Variants in DGKB observed in about 807,000 individuals in gnomAD.
DGKB encodes 90 kDa diacylglycerol kinase.
A neutral mutation model predicts 114.3 loss-of-function variants in DGKB; 67 were observed. The ratio of observed to expected loss-of-function variants is 0.59; its 90% CI spans 0.48 to 0.72. DGKB has a LOEUF of 0.72. Ranked by LOEUF, DGKB falls within the 30% of genes least tolerant of loss-of-function variation. The pLI is 0.00. For synonymous variants in DGKB, 398 were observed against 323.1 expected (o/e 1.23, Z -2.49); for missense variants, 907 against 975.2 (o/e 0.93, Z 0.93).
At chr7:14,483,598 G>C (rs10242531) in intron 20 of DGKB, among the ~76,000 whole-genome samples, 59 of 152,224 alleles carry the variant, frequency 3.9e-4, no homozygotes, top group African/African-American at 1.4e-3. Context: ...AAACATATCA[G>C]GTCCTAATCT....
chr7:14,522,447 T>C (rs577506449), intron 20 of DGKB, among the ~76,000 whole-genome samples: 2 of 152,292 alleles, frequency 1.3e-5, no homozygotes, highest in South Asian at 4.1e-4. Flanking sequence ...GAATGCACCA[T>C]ATAAATGTGC....
intron 23 of DGKB, among the ~76,000 whole-genome samples, chr7:14,241,100 C>A (rs938982977): frequency 7.9e-5 from 12 of 152,096 alleles, no homozygotes; most frequent in African/African-American, 2.7e-4. Context: ...CTAGATTAAG[C>A]CTTTCAGAGC....
chr7:14,569,258 TA>T (rs1289081632), intron 20 of DGKB, among the ~76,000 whole-genome samples: 1 of 152,086 alleles, frequency 6.6e-6, no homozygotes, highest in Non-Finnish European at 1.5e-5. Context: ...CTAATCCCCA[TA>T]TTATGCTCAG....
chr7:14,592,820 T>G (rs76646103), intron 17 of DGKB, among the ~76,000 whole-genome samples: 2,084 of 152,026 alleles, frequency 0.014, 48 homozygotes, highest in African/African-American at 0.046. Context: ...AACATTTTAA[T>G]TTAAAGTAAA....
intron 21 of DGKB, among the ~76,000 whole-genome samples, chr7:14,460,110 GA>G (rs1471049407): frequency 2.6e-5 from 4 of 152,126 alleles, no homozygotes; most frequent in Admixed American, 2.6e-4. Flanking sequence ...ACTAAATATG[GA>G]AAGGAAAAAC....
At chr7:14,763,417 T>C (rs1835999735) in intron 2 of DGKB, among the ~76,000 whole-genome samples, 3 of 152,062 alleles carry the variant, frequency 2.0e-5, no homozygotes, top group Admixed American at 1.3e-4. Context: ...ATTATCTCAT[T>C]TAAAATTCAC....
At chr7:14,454,570 C>T (rs11980816) in intron 21 of DGKB, among the ~76,000 whole-genome samples, 91,363 of 151,880 alleles carry the variant, frequency 0.6, 28,205 homozygotes, top group East Asian at 0.86. Flanking sequence ...TTATGTGACA[C>T]GATCTTTGCA....
chr7:14,708,718 G>T (rs1229982676), intron 6 of DGKB, among the ~76,000 whole-genome samples: 1 of 151,304 alleles, frequency 6.6e-6, no homozygotes, highest in African/African-American at 2.4e-5. Context: ...ATGGGGAAAG[G>T]ATTCCCTATT....
chr7:14,897,728 C>G (rs573909351), intron 1 of DGKB, among the ~76,000 whole-genome samples: 2 of 151,896 alleles, frequency 1.3e-5, no homozygotes, highest in Admixed American at 1.3e-4. Flanking sequence ...TAAATGTGTT[C>G]TGAGTAATTT....
At chr7:14,509,773 G>A (rs1179012986) in intron 20 of DGKB, among the ~76,000 whole-genome samples, 2 of 152,200 alleles carry the variant, frequency 1.3e-5, no homozygotes, top group Non-Finnish European at 2.9e-5. Context: ...TAACTCCTTT[G>A]TCTCCGCCAG....
intron 17 of DGKB, 148 bp downstream of exon 17, chr7:14,607,286 C>A: frequency 1.8e-6 from 1 of 550,624 alleles, no homozygotes; most frequent in Non-Finnish European, 3.3e-6. Flanking sequence ...AGTATTTGCA[C>A]TCATTTCTCT....
intron 20 of DGKB, among the ~76,000 whole-genome samples, chr7:14,491,648 G>C (rs1238297481): frequency 2.0e-5 from 3 of 152,012 alleles, no homozygotes. Flanking sequence ...GAGGCTGCTT[G>C]TGTCCATAAT....
At chr7:14,618,117 C>CAG (rs888703598) in intron 15 of DGKB, among the ~76,000 whole-genome samples, 2 of 132,352 alleles carry the variant, frequency 1.5e-5, no homozygotes. Flanking sequence ...GAGCAAAGGA[C>CAG]ATACACACAC....
intron 1 of DGKB, among the ~76,000 whole-genome samples, chr7:14,960,877 C>T (rs1786803638): frequency 6.6e-6 from 1 of 151,994 alleles, no homozygotes. Context: ...CAAATTAAGC[C>T]AAAGATAAGC....
chr7:14,668,122 T>C (rs1432842544), intron 13 of DGKB, among the ~76,000 whole-genome samples: 2 of 152,050 alleles, frequency 1.3e-5, no homozygotes, highest in African/African-American at 4.8e-5. Flanking sequence ...TTTGCATTTT[T>C]TGAAAGTTGA....
chr7:14,252,677 G>A lies in DGKB; in HGVS notation c.2123-74526C>T, dbSNP rs762342770. 1.2e-4 allele frequency among the ~76,000 whole-genome samples: 18 copies of A among 152,248 alleles called. No homozygotes were observed. The South Asian group carries it at 2.1e-3, about 18-fold the overall frequency. ...GTCTCAAGGCCTGAAGCCTTGGACC[G>A]TGGGGCAGGTATGCCTCTGGAATGG... On this transcript the variant is annotated intron_variant, in intron 23 of 25. Coordinates refer to ENST00000402815, the MANE Select transcript of DGKB (RefSeq NM_001350709.2).
chr7:14,311,459 T>G (rs1805381601), intron 23 of DGKB, among the ~76,000 whole-genome samples: 1 of 152,118 alleles, frequency 6.6e-6, no homozygotes, highest in Non-Finnish European at 1.5e-5. Flanking sequence ...TTTCACTCTG[T>G]CTCCCAGGTT....
At chr7:14,898,738 C>T (rs1033668332) in intron 1 of DGKB, among the ~76,000 whole-genome samples, 1 of 152,100 alleles carries the variant, frequency 6.6e-6, no homozygotes, top group African/African-American at 2.4e-5. Flanking sequence ...ATTTGCAAAG[C>T]TCTGTCACCA....
chr7:14,293,864 C>A (rs1802125466), intron 23 of DGKB, among the ~76,000 whole-genome samples: 1 of 152,150 alleles, frequency 6.6e-6, no homozygotes, highest in Non-Finnish European at 1.5e-5. Context: ...TCCTCTCTGA[C>A]TTTGTACAGT....
Sources: gnomAD v4.1 joint callset for allele counts (sites outside exome capture counted in the v4.1 genomes callset) on GRCh38, gnomAD v4.1.1 for gene constraint, MANE v1.5 for transcripts, NCBI Gene and HGNC (gene_info 2026-07-23, HGNC 2026-07-21) for gene names.